PARP2: variants seen among roughly 807,000 people sequenced by gnomAD.
PARP2 encodes the protein poly [ADP-ribose] polymerase 2.
A neutral mutation model predicts 77.8 loss-of-function variants in PARP2; 57 were observed. The ratio of observed to expected loss-of-function variants is 0.73; its 90% confidence interval spans 0.59 to 0.91. PARP2 has a LOEUF of 0.91. Among genes scored for constraint, PARP2 ranks in the 40% least tolerant of loss-of-function variants. The pLI, the probability that PARP2 is intolerant of heterozygous loss-of-function variation, is 0.00. For synonymous variants in PARP2, 226 were observed against 242.6 expected (o/e 0.93, Z 0.64); for missense variants, 651 against 689.0 (o/e 0.94, Z 0.62).
intron 5 of PARP2, 196 bp from the exon 6 acceptor site, chr14:20,350,851 A>G (rs920178747): frequency 1.3e-5 from 8 of 610,310 alleles, no homozygotes; most frequent in Non-Finnish European, 2.3e-5. Context: ...AAACTCTTCT[A>G]TAGTTGAACT....
chr14:20,348,836 G>A (rs998380224), intron 4 of PARP2, among the ~76,000 whole-genome samples: 1 of 151,836 alleles, frequency 6.6e-6, no homozygotes, highest in Non-Finnish European at 1.5e-5. Context: ...CCTGACCAAT[G>A]TGGAGAAATC....
chr14:20,354,296 C>G, intron 8 of PARP2, 49 bp downstream of exon 8: 1 of 1,362,546 alleles, frequency 7.3e-7, no homozygotes, highest in Non-Finnish European at 1.0e-6. Context: ...ATTCCTAGCT[C>G]CTTTAATGGA....
chr14:20,354,143 A>G lies in PARP2; in HGVS notation c.659A>G (p.Gln220Arg). ...AAATCTCCCTTGAAGCCAGAGTCAC[A>G]GCTAGATCTTCGGGTACAGGAGTTA... is the stretch of plus-strand genomic sequence containing the variant. ...SLKSPLKPES[Q>R]LDLRVQELIK... Residue 220 changes from glutamine (Q) to arginine (R), a missense_variant, in exon 8 of 16, where the codon CAG becomes CGG. Physicochemically the swap from Gln to Arg is conservative, Grantham distance 43. Transcript: ENST00000429687. 1 of 1,612,960 alleles carries G rather than the reference A, an allele frequency of 6.2e-7. No homozygotes were observed. The highest frequency in any genetic ancestry group is 8.5e-7 in the Non-Finnish European group (1 of 1,178,918).
Position 20,354,819 on chromosome 14 carries a change from A to G in PARP2, c.774A>G (p.Thr258=). 1.2e-6 allele frequency: 2 copies of G among 1,613,108 alleles called. No individual in the cohort carries two copies. The highest frequency in any genetic ancestry group is 3.3e-5 in the Admixed American group (2 of 59,790). Residue 258 remains threonine, a synonymous_variant, in exon 9 of 16, where the codon ACA becomes ACG. Coordinates refer to ENST00000429687, the MANE Select transcript of PARP2 (RefSeq NM_001042618.2). ...TGGGTGGGCCTGCAGGGAAGCTGACAGTGGCACAAATCAAGGCAGGTTACC... is the reference window on the plus strand; with the variant it reads ...TGGGTGGGCCTGCAGGGAAGCTGACGGTGGCACAAATCAAGGCAGGTTACC... ...NTKKAPLGKL[T]VAQIKAGYQS...
At chr14:20,344,021 C>T (rs1883613482) in intron 1 of PARP2, among the ~76,000 whole-genome samples, 1 of 152,124 alleles carries the variant, frequency 6.6e-6, no homozygotes, top group Non-Finnish European at 1.5e-5. Context: ...TGATTCACTG[C>T]TTATGTCATC....
At position 20,349,470 on chromosome 14, in the gene PARP2, A is replaced by T. The variant is rs192263240; in HGVS notation, c.325-1056A>T. On this transcript the variant is annotated intron_variant, in intron 4 of 15. Coordinates refer to ENST00000429687, the MANE Select transcript of PARP2 (RefSeq NM_001042618.2). Reference sequence around the variant, plus strand: ...AGATCACTTGAGTTAGGGGTTCAAGACCAGCCTTGCCAACATGTTGAAACT... The same window carrying T: ...AGATCACTTGAGTTAGGGGTTCAAGTCCAGCCTTGCCAACATGTTGAAACT... Among the ~76,000 whole-genome samples the T allele has an allele frequency of 4.2e-3, 645 of 152,180 alleles. 3 individuals are homozygous for T. The highest frequency in any genetic ancestry group is 7.3e-3 in the Non-Finnish European group (499 of 68,018).
rs1883979565 is a variant in PARP2, at chr14:20,352,234, G to A, written c.498-11G>A. On this transcript the variant is annotated splice_polypyrimidine_tract_variant and intron_variant, in intron 6 of 15. Transcript: ENST00000429687. ...TATTTGTAAAGTTTTCTTACACCTTGGACTCTACAGATTCCTTGACAAAAC... is the reference window on the plus strand; with the variant it reads ...TATTTGTAAAGTTTTCTTACACCTTAGACTCTACAGATTCCTTGACAAAAC... 2 of 1,487,398 alleles carry A rather than the reference G, an allele frequency of 1.3e-6. No individual in the cohort carries two copies. Among genetic ancestry groups the A allele is most frequent in the Non-Finnish European group, 1.9e-6 (2 of 1,065,100 alleles). The allele number at this position is 1,487,398 out of a possible 1,614,324, so 92.1% of individuals were successfully genotyped here. A position where few individuals can be genotyped will look rare whatever the true frequency, so the allele number is the denominator to read the frequency against.
rs755992947 is a variant in PARP2 at position 20,357,149 on chromosome 14, G to C, written c.1428G>C (p.Glu476Asp). The C allele has an allele frequency of 6.3e-7, 1 of 1,581,662 alleles. No individual in the cohort carries two copies. Among genetic ancestry groups the C allele is most frequent in the East Asian group, 2.3e-5 (1 of 44,358 alleles). Residue 476 changes from glutamate (E) to aspartate (D), a missense_variant and splice_region_variant, in exon 14 of 16, where the codon GAG becomes GAC. Transcript: ENST00000429687. ...ATACAGGACTGCTGCTCTTATCAGA[G>C]GTGAGACAGGAGTATGTCTGTGATC... The part of the protein sequence containing the change: ...LKNTGLLLLS[E>D]VALGQCNELL...
rs1261334261 is a variant in PARP2, at chr14:20,355,968, C to T, written c.1038C>T (p.Asp346=). 5 of 1,613,900 alleles carry T rather than the reference C, an allele frequency of 3.1e-6. No individual in the cohort carries two copies. In the East Asian group the frequency reaches 6.7e-5, roughly 22 times the overall value. Residue 346 remains aspartate, a synonymous_variant, in exon 11 of 16, where the codon GAC becomes GAT. Transcript: ENST00000429687. ...TACAAAGCCCAGAACACCCATTGGA[C>T]CAACACTATAGAAACCTACATTGTG... ...TELQSPEHPL[D]QHYRNLHCAL...
intron 4 of PARP2, among the ~76,000 whole-genome samples, chr14:20,348,547 C>T (rs73585125): frequency 6.6e-6 from 1 of 151,830 alleles, no homozygotes; most frequent in African/African-American, 2.4e-5. Flanking sequence ...TTTTAATCAA[C>T]CTTTTTCTCT....
At chr14:20,356,192 TA>T in intron 11 of PARP2, 114 bp from the exon 12 acceptor site, 1 of 1,430,528 alleles carries the variant, frequency 7.0e-7, no homozygotes, top group Non-Finnish European at 9.6e-7. Context: ...AGCTGCCTTG[TA>T]AGACTGTTTG....
intron 1 of PARP2, 36 bp downstream of exon 1, chr14:20,343,723 G>T (rs1325912533): frequency 1.2e-6 from 2 of 1,602,542 alleles, no homozygotes; most frequent in Non-Finnish European, 1.7e-6. Flanking sequence ...GCATGCGGGG[G>T]GCGGGCAGTC....
rs1884175876 is a variant in PARP2 at position 20,356,927 on chromosome 14, G to C, written c.1330-124G>C. On this transcript the variant is annotated intron_variant, in intron 13 of 15. Coordinates refer to ENST00000429687, the MANE Select transcript of PARP2 (RefSeq NM_001042618.2). ...TCTACCCTCTCTAGAACAGAATTGT[G>C]AGGGGAAATGGAGAAGGGTCTATAT... 3 of 740,234 alleles carry C rather than the reference G, an allele frequency of 4.1e-6. No homozygotes were observed. In the South Asian group the frequency reaches 4.7e-5, roughly 12 times the overall value. 45.9% of individuals were successfully genotyped at this position (740,234 alleles called of 1,614,324 possible).
chr14:20,346,785 A>G, intron 3 of PARP2, 78 bp from the exon 4 acceptor site: 1 of 916,602 alleles, frequency 1.1e-6, no homozygotes, highest in East Asian at 2.4e-5. Context: ...TTGAGCCATA[A>G]GAAAATTTAG....
chr14:20,354,351 T>G (rs1275314100), intron 8 of PARP2, 104 bp downstream of exon 8: 12 of 963,986 alleles, frequency 1.2e-5, no homozygotes, highest in Non-Finnish European at 1.9e-5. Flanking sequence ...TAGTACTGAA[T>G]GAAGAAAATG....
intron 2 of PARP2, 150 bp downstream of exon 2, chr14:20,345,237 T>G (rs1327773641): frequency 1.5e-5 from 15 of 1,019,600 alleles, no homozygotes; most frequent in Non-Finnish European, 2.2e-5. Context: ...ACTAATCTAC[T>G]GCCTTGAATC....
In PARP2 at chr14:20,353,821, T is replaced by C. The variant is rs547419418; in HGVS notation, c.601-264T>C. On this transcript the variant is annotated intron_variant, in intron 7 of 15. Transcript: ENST00000429687. The stretch of plus-strand genomic sequence containing the variant: ...GGAAAGCCTTTTTTTTCTAGACTTA[T>C]TCTGAGTTGTAAAATGTGGGAGGCA... Among the ~76,000 whole-genome samples, 20 of 152,258 alleles carry C rather than the reference T, an allele frequency of 1.3e-4. No individual in the cohort carries two copies. In the South Asian group the frequency reaches 3.9e-3, roughly 30 times the overall value.
chr14:20,344,992 C>A lies in PARP2; in HGVS notation c.107C>A (p.Ala36Asp), dbSNP rs758917151. 21 of 1,613,872 alleles carry A rather than the reference C, an allele frequency of 1.3e-5. No individual in the cohort carries two copies. Among genetic ancestry groups the A allele is most frequent in the South Asian group, 2.2e-5 (2 of 91,066 alleles). ...GNTAPEDSSP[A>D]KKTRRCQRQE... The stretch of plus-strand genomic sequence containing the variant: ...ACGGCTCCAGAAGACTCTTCCCCTG[C>A]CAAGAAAACTCGTAGATGCCAGAGA... The change falls in exon 2 of 16, where the codon GCC becomes GAC. Residue 36 changes from alanine to aspartate, a missense_variant. Ala to Asp is a moderately radical substitution (Grantham distance 126, BLOSUM62 -2). Coordinates refer to ENST00000429687, the MANE Select transcript of PARP2 (RefSeq NM_001042618.2).
At chr14:20,350,485 G>A in intron 4 of PARP2, 41 bp from the exon 5 acceptor site, 1 of 1,080,730 alleles carries the variant, frequency 9.3e-7, no homozygotes, top group Non-Finnish European at 1.4e-6. Flanking sequence ...ATTTCCATTT[G>A]CAAAACTCCT....
Sources: gnomAD v4.1 joint callset for allele counts (sites outside exome capture counted in the v4.1 genomes callset) on GRCh38, gnomAD v4.1.1 for gene constraint, MANE v1.5 for transcripts, NCBI Gene and HGNC (gene_info 2026-07-23, HGNC 2026-07-21) for gene names.